The following PCDH9 variants were observed in gnomAD, a reference collection of about 807,000 sequenced individuals.
PCDH9 encodes protocadherin 9.
PCDH9 carries 24 observed loss-of-function variants against 70.6 expected under a neutral mutation model. The observed-to-expected ratio is 0.34, with a 90% CI of 0.25 to 0.48. PCDH9 has a LOEUF of 0.48. Ranked by LOEUF, PCDH9 falls within the 20% of genes least tolerant of loss-of-function variation. The pLI is 0.99. For synonymous variants in PCDH9, 562 were observed against 558.5 expected (o/e 1.01, Z -0.09); for missense variants, 1,281 against 1,503.6 (o/e 0.85, Z 2.45).
chr13:66,751,125 A>G (rs555982713), intron 3 of PCDH9, among the ~76,000 whole-genome samples: 1 of 151,862 alleles, frequency 6.6e-6, no homozygotes, highest in Non-Finnish European at 1.5e-5. Flanking sequence ...CTCTTCAGGG[A>G]CTCTAATTTT....
At chr13:66,513,962 G>T (rs1361352499) in intron 4 of PCDH9, among the ~76,000 whole-genome samples, 3 of 152,102 alleles carry the variant, frequency 2.0e-5, no homozygotes, top group Non-Finnish European at 4.4e-5. Context: ...TGCAAAAGGA[G>T]ATTTGACATG....
rs547416634 is a variant in PCDH9, at chr13:66,601,709, A to C, written c.3340+29501T>G. ...AGTAGAGTCATGCACTGCAGAAGAC[A>C]CTTCATTCAGTGATGGCCTGTGTAT... On this transcript the variant is annotated intron_variant, in intron 4 of 4. Transcript: ENST00000377865. Among the ~76,000 whole-genome samples, 11 of 146,260 alleles carry C rather than the reference A, an allele frequency of 7.5e-5. 2 individuals carry two copies. The highest frequency in any genetic ancestry group is 2.7e-4 in the African/African-American group (11 of 40,676).
chr13:66,727,062 T>C (rs748392110), intron 3 of PCDH9, among the ~76,000 whole-genome samples: 59 of 152,148 alleles, frequency 3.9e-4, no homozygotes, highest in Non-Finnish European at 7.2e-4. Flanking sequence ...GCTCACCATC[T>C]TGGGCAACAA....
chr13:66,427,912 C>T (rs1957701234), intron 4 of PCDH9, among the ~76,000 whole-genome samples: 1 of 151,562 alleles, frequency 6.6e-6, no homozygotes, highest in Non-Finnish European at 1.5e-5. Flanking sequence ...AATAAAAATG[C>T]TGATAATTGT....
chr13:66,703,301 G>C (rs1408317092), intron 3 of PCDH9, among the ~76,000 whole-genome samples: 1 of 152,098 alleles, frequency 6.6e-6, no homozygotes, highest in Non-Finnish European at 1.5e-5. Flanking sequence ...CCTCTCACTA[G>C]CTCATACAAG....
intron 2 of PCDH9, among the ~76,000 whole-genome samples, chr13:67,190,276 C>T (rs2088874575): frequency 6.6e-6 from 1 of 151,854 alleles, no homozygotes. Flanking sequence ...GGCATCAAAA[C>T]ATTAGAGACG....
chr13:66,737,612 A>G (rs2079173578), intron 3 of PCDH9, among the ~76,000 whole-genome samples: 1 of 152,190 alleles, frequency 6.6e-6, no homozygotes. Flanking sequence ...GGAGTGCCAG[A>G]CAGTGGGCGC....
intron 3 of PCDH9, among the ~76,000 whole-genome samples, chr13:66,864,078 C>A (rs749796428): frequency 6.6e-6 from 1 of 152,020 alleles, no homozygotes; most frequent in African/African-American, 2.4e-5. Flanking sequence ...TTACCTATCA[C>A]GGAGGTAACT....
At chr13:66,306,094 A>G (rs908045476) in intron 4 of PCDH9, 3 of 152,062 alleles carry the variant, frequency 2.0e-5, no homozygotes, top group African/African-American at 7.2e-5. Flanking sequence ...AGTTAAGTGG[A>G]TACACAAGAA....
At chr13:66,581,246 T>A (rs2076887798) in intron 4 of PCDH9, among the ~76,000 whole-genome samples, 1 of 152,110 alleles carries the variant, frequency 6.6e-6, no homozygotes, top group Admixed American at 6.6e-5. Context: ...AAAAAGCAAA[T>A]CAAAGTTTTA....
At chr13:67,078,212 G>T (rs112228038) in intron 2 of PCDH9, among the ~76,000 whole-genome samples, 1 of 152,108 alleles carries the variant, frequency 6.6e-6, no homozygotes, top group Non-Finnish European at 1.5e-5. Context: ...TCCCACCAAA[G>T]GCTGAGTGTC....
chr13:66,534,589 T>C (rs2138640678), intron 4 of PCDH9, among the ~76,000 whole-genome samples: 1 of 152,230 alleles, frequency 6.6e-6, no homozygotes, highest in African/African-American at 2.4e-5. Flanking sequence ...GGCTAGAGTT[T>C]CAACATATAA....
chr13:66,375,603 C>G (rs2138227849), intron 4 of PCDH9, among the ~76,000 whole-genome samples: 1 of 152,160 alleles, frequency 6.6e-6, no homozygotes, highest in South Asian at 2.1e-4. Context: ...ATATTTCTTA[C>G]TGGCTGGTAA....
At chr13:67,094,707 A>G (rs1294212056) in intron 2 of PCDH9, among the ~76,000 whole-genome samples, 3 of 151,892 alleles carry the variant, frequency 2.0e-5, no homozygotes, top group African/African-American at 7.3e-5. Context: ...TTAATAAAAT[A>G]GACTTTTTTC....
intron 3 of PCDH9, among the ~76,000 whole-genome samples, chr13:66,852,092 A>G (rs2081323822): frequency 6.6e-6 from 1 of 152,070 alleles, no homozygotes; most frequent in African/African-American, 2.4e-5. Context: ...TAATTACTGC[A>G]ATAAAGGCCC....
intron 3 of PCDH9, among the ~76,000 whole-genome samples, chr13:66,855,710 A>G (rs1291436547): frequency 6.6e-6 from 1 of 152,040 alleles, no homozygotes; most frequent in Non-Finnish European, 1.5e-5. Flanking sequence ...GAATTTTCAC[A>G]AAGTGAATGA....
intron 4 of PCDH9, among the ~76,000 whole-genome samples, chr13:66,417,177 T>A (rs886998590): frequency 6.6e-6 from 1 of 152,104 alleles, no homozygotes; most frequent in African/African-American, 2.4e-5. Flanking sequence ...TCCTCCCCCT[T>A]ACCCACTACC....
intron 2 of PCDH9, among the ~76,000 whole-genome samples, chr13:66,912,986 C>T (rs774014022): frequency 1.2e-4 from 18 of 152,064 alleles, no homozygotes; most frequent in Non-Finnish European, 1.6e-4. Flanking sequence ...TTAGCCTTGG[C>T]TATGTGCATG....
chr13:66,579,622 TA>T (rs1202108618), intron 4 of PCDH9, among the ~76,000 whole-genome samples: 1 of 151,916 alleles, frequency 6.6e-6, no homozygotes, highest in African/African-American at 2.4e-5. Context: ...AAAATTATAG[TA>T]AAAAATGGTC....
Sources: gnomAD v4.1 joint callset for allele counts (sites outside exome capture counted in the v4.1 genomes callset) on GRCh38, gnomAD v4.1.1 for gene constraint, MANE v1.5 for transcripts, NCBI Gene and HGNC (gene_info 2026-07-23, HGNC 2026-07-21) for gene names.